The following NXPE1 variants were observed in gnomAD, a reference collection of about 807,000 sequenced individuals.
NXPE1 encodes the protein NXPE family member 1.
NXPE1 carries 31 observed loss-of-function variants against 33.3 expected under a neutral mutation model. The ratio of observed to expected loss-of-function variants is 0.93; its 90% confidence interval spans 0.70 to 1.26. The LOEUF is 1.26. Ranked by LOEUF, NXPE1 falls within the 50% of genes most tolerant of loss-of-function variation. The pLI is 0.00. For synonymous variants in NXPE1, 229 were observed against 231.4 expected, an observed-to-expected ratio of 0.99 and a Z score of 0.09; for missense variants, 661 against 655.6, an observed-to-expected ratio of 1.01 and a Z score of -0.09.
At chr11:114,538,210 A>G (rs1332296516) in intron 5 of NXPE1, among the ~76,000 whole-genome samples, 1 of 152,236 alleles carries the variant, frequency 6.6e-6, no homozygotes, top group Non-Finnish European at 1.5e-5. Flanking sequence ...TGGTGCTGGG[A>G]AAATTGGCTA....
At chr11:114,529,092 G>A (rs1204894673) in intron 6 of NXPE1, 2 of 339,016 alleles carry the variant, frequency 5.9e-6, no homozygotes, top group Non-Finnish European at 1.1e-5. Context: ...TTTTTTGAAA[G>A]CTTATGGAAA....
At chr11:114,543,625 A>G (rs909984151) in intron 5 of NXPE1, among the ~76,000 whole-genome samples, 3 of 152,160 alleles carry the variant, frequency 2.0e-5, no homozygotes, top group Non-Finnish European at 4.4e-5. Context: ...TTAACAAAGA[A>G]GAATGGTACT....
intron 5 of NXPE1, among the ~76,000 whole-genome samples, chr11:114,537,666 G>T (rs1348336640): frequency 6.6e-6 from 1 of 152,080 alleles, no homozygotes; most frequent in Non-Finnish European, 1.5e-5. Flanking sequence ...AATCATGAGT[G>T]AACTCCCATT....
intron 5 of NXPE1, among the ~76,000 whole-genome samples, chr11:114,549,000 T>A (rs974518591): frequency 3.4e-4 from 52 of 151,950 alleles, no homozygotes; most frequent in African/African-American, 1.1e-3. Flanking sequence ...AGTTTAAAAG[T>A]AACAAGATGA....
intron 5 of NXPE1, among the ~76,000 whole-genome samples, chr11:114,544,980 G>A (rs2168324): frequency 0.16 from 24,848 of 151,896 alleles, 2,277 homozygotes; most frequent in South Asian, 0.23. Flanking sequence ...AATTTTATTC[G>A]TCAGGGAGAC....
intron 7 of NXPE1, among the ~76,000 whole-genome samples, chr11:114,525,778 T>C (rs1947350359): frequency 6.6e-6 from 1 of 152,212 alleles, no homozygotes; most frequent in African/African-American, 2.4e-5. Context: ...TAGTGAAGTG[T>C]ATATTCAAGC....
chr11:114,550,505 A>G (rs878892664), intron 5 of NXPE1, among the ~76,000 whole-genome samples: 2 of 152,184 alleles, frequency 1.3e-5, no homozygotes, highest in Non-Finnish European at 2.9e-5. Flanking sequence ...GAAGATTAGG[A>G]TAATTGGAGA....
chr11:114,522,538 G>C, intron 8 of NXPE1, 35 bp from the exon 9 acceptor site: 1 of 1,483,606 alleles, frequency 6.7e-7, no homozygotes, highest in Non-Finnish European at 9.1e-7. Flanking sequence ...TTAAATAGAA[G>C]ATAATGGTTA....
intron 2 of NXPE1, among the ~76,000 whole-genome samples, 175 bp downstream of exon 2, chr11:114,552,677 G>A (rs1052162217): frequency 4.6e-5 from 7 of 151,704 alleles, no homozygotes; most frequent in African/African-American, 1.7e-4. Flanking sequence ...TGTAAAGTAT[G>A]AGTTATAATG....
chr11:114,523,303 G>C (rs889026660), intron 7 of NXPE1, among the ~76,000 whole-genome samples: 1 of 151,966 alleles, frequency 6.6e-6, no homozygotes, highest in Non-Finnish European at 1.5e-5. Context: ...CTTGCCTTCT[G>C]TCTAATTCCT....
At chr11:114,535,232 G>A (rs1947762706) in intron 5 of NXPE1, among the ~76,000 whole-genome samples, 1 of 152,160 alleles carries the variant, frequency 6.6e-6, no homozygotes, top group African/African-American at 2.4e-5. Flanking sequence ...AGCAAATGCT[G>A]AGAGATTTTG....
intron 5 of NXPE1, among the ~76,000 whole-genome samples, chr11:114,531,951 C>T (rs764843317): frequency 6.6e-6 from 1 of 152,162 alleles, no homozygotes; most frequent in Non-Finnish European, 1.5e-5. Flanking sequence ...AGGCTTCAGT[C>T]TAGATCAGCT....
chr11:114,524,978 AC>A (rs1486569386), intron 7 of NXPE1, among the ~76,000 whole-genome samples: 2 of 152,104 alleles, frequency 1.3e-5, no homozygotes, highest in African/African-American at 2.4e-5. Context: ...TTCTTGTATA[AC>A]AGCAGATAAT....
At chr11:114,536,270 C>G (rs1947818961) in intron 5 of NXPE1, among the ~76,000 whole-genome samples, 1 of 152,138 alleles carries the variant, frequency 6.6e-6, no homozygotes, top group African/African-American at 2.4e-5. Flanking sequence ...ATCTCTGGGA[C>G]ATATTCAAAG....
downstream of NXPE1, among the ~76,000 whole-genome samples, chr11:114,519,224 C>T (rs1374032223): frequency 7.3e-6 from 1 of 137,846 alleles, no homozygotes; most frequent in Admixed American, 7.0e-5. Context: ...AATGCTTTCC[C>T]CCCGTTTGGC....
rs1016034452 is a variant in NXPE1, at chr11:114,529,885, G to A, written c.833+290C>T. 17 of 326,924 alleles carry A rather than the reference G, an allele frequency of 5.2e-5. No homozygotes were observed. In the Admixed American group the frequency reaches 6.2e-4, roughly 12 times the overall value. The allele number at this position is 326,924 out of a possible 1,614,324, so 20.3% of individuals were successfully genotyped here. ...ATTAACAAAATATGATATGGGAGGT[G>A]AAGGAGCATGGATGTTATCATACAC... is the stretch of plus-strand genomic sequence containing the variant. On this transcript the variant is annotated intron_variant, in intron 6 of 8. Coordinates refer to ENST00000534921, the Ensembl canonical transcript of NXPE1.
intron 2 of NXPE1, among the ~76,000 whole-genome samples, chr11:114,552,351 T>C (rs1416628301): frequency 6.6e-6 from 1 of 152,108 alleles, no homozygotes; most frequent in East Asian, 1.9e-4. Context: ...CACACTATAT[T>C]GCAATAGATT....
chr11:114,553,246 T>C (rs1948562446), intron 1 of NXPE1, among the ~76,000 whole-genome samples: 1 of 152,256 alleles, frequency 6.6e-6, no homozygotes, highest in South Asian at 2.1e-4. Context: ...TATCTCCTTA[T>C]GTGTCTGTGC....
chr11:114,557,993 G>C (rs1326519991), intron 1 of NXPE1, among the ~76,000 whole-genome samples: 3 of 151,752 alleles, frequency 2.0e-5, no homozygotes, highest in Non-Finnish European at 4.4e-5. Context: ...ACTGCCCTTT[G>C]TTCCTCTCTT....
Sources: allele counts gnomAD v4.1 joint callset (sites outside exome capture counted in the v4.1 genomes callset), GRCh38; gene constraint gnomAD v4.1.1; transcripts MANE v1.5; gene names NCBI Gene and HGNC (gene_info 2026-07-23, HGNC 2026-07-21).